The following ZAP70 variants were observed in gnomAD, a reference collection of about 807,000 sequenced individuals.
ZAP70 encodes the protein zeta chain of T cell receptor associated protein kinase 70.
A neutral mutation model predicts 65.8 loss-of-function variants in ZAP70; 27 were observed. The ratio of observed to expected loss-of-function variants is 0.41; its 90% CI spans 0.30 to 0.57. The LOEUF is 0.57. Among genes scored for constraint, ZAP70 ranks in the 20% least tolerant of loss-of-function variants. The pLI is 0.28. For missense variants in ZAP70, 696 were observed against 870.5 expected, an observed-to-expected ratio of 0.80 and a Z score of 2.52; for synonymous variants, 363 against 360.8, an observed-to-expected ratio of 1.01 and a Z score of -0.07.
At chr2:97,733,677 C>CG in intron 8 of ZAP70, 82 bp downstream of exon 8, 3 of 1,574,324 alleles carry the variant, frequency 1.9e-6, no homozygotes, top group Non-Finnish European at 1.7e-6. Flanking sequence ...TGGGGTTTCA[C>CG]GGGGGGCGCT....
At chr2:97,735,141 G>A in intron 9 of ZAP70, 109 bp from the exon 10 acceptor site, 2 of 1,403,040 alleles carry the variant, frequency 1.4e-6, no homozygotes. Flanking sequence ...GGCGACTACA[G>A]TTGTCTACCA....
In ZAP70 at chr2:97,735,475, C is replaced by G. The variant is rs201084613; in HGVS notation, c.1289+19C>G. The G allele has an allele frequency of 6.9e-6, 11 of 1,587,712 alleles. No individual in the cohort carries two copies. The highest frequency in any genetic ancestry group is 1.7e-4 in the Middle Eastern group (1 of 5,962). ...GCAAGAGGTGAGCACCGGGTGGGCCCGGCCATCGGGTGGGTGGGGCCGGGG... is the reference window on the plus strand; with the variant it reads ...GCAAGAGGTGAGCACCGGGTGGGCCGGGCCATCGGGTGGGTGGGGCCGGGG... On this transcript the variant is annotated intron_variant, in intron 10 of 13. Coordinates refer to ENST00000264972, the MANE Select transcript of ZAP70 (RefSeq NM_001079.4).
downstream of ZAP70, among the ~76,000 whole-genome samples, chr2:97,741,349 T>A (rs1678121957): frequency 6.6e-6 from 1 of 152,130 alleles, no homozygotes; most frequent in Non-Finnish European, 1.5e-5. Context: ...CGGACTCCCC[T>A]CTGGGCCTCT....
At chr2:97,733,271 C>T in intron 6 of ZAP70, 26 bp from the exon 7 acceptor site, 5 of 1,608,394 alleles carry the variant, frequency 3.1e-6, no homozygotes, top group Non-Finnish European at 4.2e-6. Context: ...GGCCCCCAGC[C>T]CTCACTGTCC....
chr2:97,738,055 C>T lies in ZAP70; in HGVS notation c.1684C>T (p.Pro562Ser), dbSNP rs989274981. 6 of 1,611,810 alleles carry T rather than the reference C, an allele frequency of 3.7e-6. No individual in the cohort carries two copies. Among genetic ancestry groups the T allele is most frequent in the Non-Finnish European group, 2.5e-6 (3 of 1,178,946 alleles). ...IEQGKRMECP[P>S]ECPPELYALM... The stretch of plus-strand genomic sequence containing the variant: ...GCAGGGCAAGCGGATGGAGTGCCCA[C>T]CAGAGTGTCCACCCGAACTGTACGC... Residue 562 changes from proline (P) to serine (S), a missense_variant, in exon 13 of 14, where the codon CCA (proline) becomes TCA (serine). Pro to Ser is a moderately conservative substitution (Grantham distance 74). Coordinates refer to ENST00000264972, the MANE Select transcript of ZAP70 (RefSeq NM_001079.4).
intron 4 of ZAP70, among the ~76,000 whole-genome samples, chr2:97,726,842 G>A (rs1052465108): frequency 6.6e-6 from 1 of 152,254 alleles, no homozygotes; most frequent in African/African-American, 2.4e-5. Flanking sequence ...GGAAACCTTT[G>A]CATTTGTATC....
At chr2:97,747,324 T>C in the ZAP70 span, among the ~76,000 whole-genome samples, 2 of 152,202 alleles carry the variant, frequency 1.3e-5, no homozygotes, top group Non-Finnish European at 2.9e-5. Context: ...CGAATGTCCA[T>C]CAACAGATGA....
intron 2 of ZAP70, among the ~76,000 whole-genome samples, chr2:97,719,862 CCTT>C (rs1677093850): frequency 1.3e-5 from 2 of 152,172 alleles, no homozygotes; most frequent in African/African-American, 2.4e-5. Flanking sequence ...TGTCGTCACT[CCTT>C]CTCCGGCCCC....
chr2:97,738,067 C>T lies in ZAP70; in HGVS notation c.1696C>T (p.Pro566Ser). 1 of 1,610,910 alleles carries T rather than the reference C, an allele frequency of 6.2e-7. No homozygotes were observed. Among genetic ancestry groups the T allele is most frequent in the Non-Finnish European group, 8.5e-7 (1 of 1,178,414 alleles). ...GATGGAGTGCCCACCAGAGTGTCCA[C>T]CCGAACTGTACGCACTCATGAGTGA... ...KRMECPPECP[P>S]ELYALMSDCW... Residue 566 changes from proline (P) to serine (S), a missense_variant, in exon 13 of 14, where the codon CCC becomes TCC. Pro to Ser is a moderately conservative substitution (Grantham distance 74). Coordinates refer to ENST00000264972, the MANE Select transcript of ZAP70 (RefSeq NM_001079.4).
At chr2:97,735,716 T>A (rs1677847534) in intron 10 of ZAP70, among the ~76,000 whole-genome samples, 1 of 152,220 alleles carries the variant, frequency 6.6e-6, no homozygotes. Flanking sequence ...TCGGCACCTA[T>A]AAAGGGCACT....
At chr2:97,740,930 G>A (rs547133414), downstream of ZAP70, among the ~76,000 whole-genome samples, 1 of 152,352 alleles carries the variant, frequency 6.6e-6, no homozygotes, top group African/African-American at 2.4e-5. Context: ...ACACCAGGGG[G>A]TCATCGCCAT....
chr2:97,722,074 C>T (rs1001451367), intron 2 of ZAP70, among the ~76,000 whole-genome samples: 3 of 149,736 alleles, frequency 2.0e-5, no homozygotes, highest in Admixed American at 6.7e-5. Flanking sequence ...TGAGCCACCA[C>T]GCTCGGCCTA....
At chr2:97,726,032 TCTAA>T (rs1450743941) in intron 4 of ZAP70, among the ~76,000 whole-genome samples, 1 of 152,092 alleles carries the variant, frequency 6.6e-6, no homozygotes, top group Admixed American at 6.5e-5. Flanking sequence ...AGCAGCCCCC[TCTAA>T]CTGTCCTGTG....
rs1380925005 is a variant in ZAP70, at chr2:97,715,280, G to C, written c.-22+1286G>C. Among the ~76,000 whole-genome samples the C allele has an allele frequency of 6.6e-6, 1 of 152,202 alleles. No homozygotes were observed. The highest frequency in any genetic ancestry group is 1.5e-5 in the Non-Finnish European group (1 of 68,026). On this transcript the variant is annotated intron_variant, in intron 2 of 13. Transcript: ENST00000264972. The surrounding 1 kb of genome is among the most constrained non-coding windows in gnomAD (Gnocchi z 4.1). ...AGTTGATAGTGCCTGGAGACAGTTT[G>C]GGTTGTGACCCAGCGGGTGTTACTG...
chr2:97,721,945 G>A (rs925155670), intron 2 of ZAP70, among the ~76,000 whole-genome samples: 16 of 150,776 alleles, frequency 1.1e-4, no homozygotes, highest in Admixed American at 8.6e-4. Context: ...CACCATGCCC[G>A]GCTAATTTTT....
chr2:97,747,038 T>C, the ZAP70 span, among the ~76,000 whole-genome samples: 765 of 150,966 alleles, frequency 5.1e-3, 4 homozygotes, highest in Admixed American at 8.2e-3. Context: ...AAAAAAAAGG[T>C]AAAGGAAAAA....
intron 8 of ZAP70, 99 bp downstream of exon 8, chr2:97,733,694 C>A (rs530186872): frequency 8.1e-6 from 12 of 1,490,222 alleles, no homozygotes; most frequent in Non-Finnish European, 1.1e-5. Context: ...CGCTGTGGGC[C>A]GGGCCAGGCT....
At chr2:97,732,606 G>T (rs528175754) in intron 4 of ZAP70, 1 of 544,170 alleles carries the variant, frequency 1.8e-6, no homozygotes, top group Non-Finnish European at 3.3e-6. Context: ...CACCGTGGGG[G>T]GTCAGGTATT....
Position 97,727,150 on chromosome 2 carries a change from CTTTG to C in ZAP70, c.563+1904_563+1907del, listed in dbSNP as rs1331182884. Among the ~76,000 whole-genome samples the C allele has an allele frequency of 2.6e-5, 4 of 152,244 alleles. No individual in the cohort carries two copies. The East Asian group carries it at 5.8e-4, about 22-fold the overall frequency. On this transcript the variant is annotated intron_variant, in intron 4 of 13. Coordinates refer to ENST00000264972, the MANE Select transcript of ZAP70 (RefSeq NM_001079.4). ...CAGAGAGGACAGGGCAAGTTCAAGC[CTTTG>C]TTTGTGTAATGTCACTGATGTCCTA...
Sources: allele counts gnomAD v4.1 joint callset (sites outside exome capture counted in the v4.1 genomes callset), GRCh38; gene constraint gnomAD v4.1.1; non-coding constraint Gnocchi (gnomAD v3.1); transcripts MANE v1.5; gene names NCBI Gene and HGNC (gene_info 2026-07-23, HGNC 2026-07-21).